Variants in DYNC1I1 observed in about 807,000 individuals in gnomAD.
The protein encoded by DYNC1I1 is dynein cytoplasmic 1 intermediate chain 1.
A neutral mutation model predicts 86.6 loss-of-function variants in DYNC1I1; 43 were observed. The ratio of observed to expected loss-of-function variants is 0.50; its 90% CI spans 0.39 to 0.64. DYNC1I1 has a LOEUF of 0.64. Ranked by LOEUF, DYNC1I1 falls within the 30% of genes least tolerant of loss-of-function variation. DYNC1I1 has a pLI of 0.00. For missense variants in DYNC1I1, 604 were observed against 788.8 expected, an observed-to-expected ratio of 0.77 and a Z score of 2.81; for synonymous variants, 262 against 283.7, an observed-to-expected ratio of 0.92 and a Z score of 0.77.
At chr7:95,813,162 T>G in intron 3 of DYNC1I1, 85 bp from the exon 4 acceptor site, 1 of 1,608,958 alleles carries the variant, frequency 6.2e-7, no homozygotes. Context: ...TTGGGCCCAT[T>G]TGTTTTGATT....
chr7:95,865,973 A>G (rs1211401615), intron 5 of DYNC1I1, among the ~76,000 whole-genome samples: 3 of 152,176 alleles, frequency 2.0e-5, no homozygotes, highest in Admixed American at 2.0e-4. Context: ...AACAGGGCAT[A>G]AGCTATGCAG....
chr7:96,101,698 A>T (rs1444151439), downstream of DYNC1I1, among the ~76,000 whole-genome samples: 1 of 152,156 alleles, frequency 6.6e-6, no homozygotes, highest in African/African-American at 2.4e-5. Context: ...TCATTCCGTC[A>T]TTCCTCCAAT....
intron 13 of DYNC1I1, among the ~76,000 whole-genome samples, chr7:96,037,109 A>G (rs374494089): frequency 6.6e-6 from 1 of 152,148 alleles, no homozygotes; most frequent in African/African-American, 2.4e-5. Flanking sequence ...GACTTTTTCC[A>G]TTCAAACTAT....
intron 14 of DYNC1I1, among the ~76,000 whole-genome samples, chr7:96,064,243 T>C (rs1331821827): frequency 9.0e-5 from 13 of 144,058 alleles, no homozygotes; most frequent in African/African-American, 3.1e-4. Flanking sequence ...TCTCTCTCTC[T>C]CTCTCCCTCT....
intron 14 of DYNC1I1, among the ~76,000 whole-genome samples, chr7:96,063,609 A>G (rs1221795942): frequency 1.3e-5 from 2 of 151,102 alleles, no homozygotes; most frequent in East Asian, 1.9e-4. Context: ...TTGTGTCCTA[A>G]TCTCCTCTTT....
chr7:96,078,658 A>G (rs1353971529), intron 15 of DYNC1I1, among the ~76,000 whole-genome samples: 1 of 152,056 alleles, frequency 6.6e-6, no homozygotes, highest in Non-Finnish European at 1.5e-5. Context: ...TTTTTGTTAT[A>G]TTCGTATTAA....
At chr7:96,034,530 T>C (rs1794888301) in intron 12 of DYNC1I1, among the ~76,000 whole-genome samples, 1 of 152,158 alleles carries the variant, frequency 6.6e-6, no homozygotes, top group South Asian at 2.1e-4. Context: ...CATCCAACAG[T>C]TGGCCTGGTC....
At chr7:95,862,228 C>A (rs974913447) in intron 5 of DYNC1I1, among the ~76,000 whole-genome samples, 2 of 151,862 alleles carry the variant, frequency 1.3e-5, no homozygotes, top group African/African-American at 2.4e-5. Flanking sequence ...AAAATATTTG[C>A]ACTTCAAAAT....
chr7:96,007,559 C>T (rs997243727), intron 10 of DYNC1I1, among the ~76,000 whole-genome samples: 1 of 152,192 alleles, frequency 6.6e-6, no homozygotes, highest in South Asian at 2.1e-4. Context: ...GTGCAAAATT[C>T]GGAGATAGCA....
At chr7:95,803,125 C>A (rs918269845) in intron 1 of DYNC1I1, among the ~76,000 whole-genome samples, 1 of 152,190 alleles carries the variant, frequency 6.6e-6, no homozygotes, top group African/African-American at 2.4e-5. Context: ...AGTCTCAGTT[C>A]TTGCTGAACC....
Position 96,028,188 on chromosome 7 carries a change from C to A in DYNC1I1, c.983C>A (p.Ser328Ter), listed in dbSNP as rs1381436803. The change falls in exon 11 of 17, where the codon TCG becomes TAG. Residue 328 changes from serine to a stop codon, truncating the protein, a stop_gained. Coordinates refer to ENST00000447467, the MANE Select transcript of DYNC1I1 (RefSeq NM_001135556.2). LOFTEE classifies it high-confidence loss of function. ...YVFHCQSSVM[S>*]VCFARFHPNL... ...TTTCCCTGACAGTCCTCTGTGATGT[C>A]GGTCTGCTTCGCCCGTTTCCATCCT... The A allele has an allele frequency of 6.2e-7, 1 of 1,613,650 alleles. No individual in the cohort carries two copies. The highest frequency in any genetic ancestry group is 1.3e-5 in the African/African-American group (1 of 74,876).
At chr7:95,784,886 A>C (rs2115674669) in intron 1 of DYNC1I1, among the ~76,000 whole-genome samples, 1 of 152,294 alleles carries the variant, frequency 6.6e-6, no homozygotes, top group African/African-American at 2.4e-5. Context: ...AATGAGACAG[A>C]ACTTTGTATT....
Position 95,944,502 on chromosome 7 carries a change from G to A in DYNC1I1, c.491-33010G>A, listed in dbSNP as rs544021117. 9.8e-5 allele frequency among the ~76,000 whole-genome samples: 15 copies of A among 152,310 alleles called. No individual in the cohort carries two copies. The South Asian group carries it at 2.9e-3, about 29-fold the overall frequency. ...GGATCTAGAACTAGAAATACCATCT[G>A]ACCCAGCCATCCCATTACTGGGTAT... On this transcript the variant is annotated intron_variant, in intron 6 of 16. Transcript: ENST00000447467.
intron 6 of DYNC1I1, among the ~76,000 whole-genome samples, chr7:95,950,208 A>AG (rs1407056387): frequency 1.3e-5 from 2 of 152,226 alleles, no homozygotes; most frequent in African/African-American, 4.8e-5. Flanking sequence ...TATTTCTGCA[A>AG]GGACTTGTAC....
chr7:95,854,480 T>C (rs919947686), intron 5 of DYNC1I1, among the ~76,000 whole-genome samples: 2 of 152,194 alleles, frequency 1.3e-5, no homozygotes, highest in Non-Finnish European at 2.9e-5. Flanking sequence ...TATTTTCTTA[T>C]ATTGCATATC....
intron 16 of DYNC1I1, among the ~76,000 whole-genome samples, chr7:96,093,704 G>A (rs1790915174): frequency 2.6e-5 from 4 of 152,010 alleles, no homozygotes; most frequent in South Asian, 2.1e-4. Flanking sequence ...AGATGAATCT[G>A]GAGGCAGAAA....
chr7:95,909,892 G>A (rs548760508), intron 6 of DYNC1I1, among the ~76,000 whole-genome samples: 60 of 152,154 alleles, frequency 3.9e-4, no homozygotes, highest in African/African-American at 1.4e-3. Context: ...ACTGAGCCTC[G>A]TTCTCCATCC....
At chr7:95,918,351 G>T (rs1424597536) in intron 6 of DYNC1I1, among the ~76,000 whole-genome samples, 2 of 152,116 alleles carry the variant, frequency 1.3e-5, no homozygotes, top group South Asian at 2.1e-4. Flanking sequence ...TGGTGTTGTT[G>T]TTCCTGTGGG....
At chr7:95,905,375 T>A (rs550795114) in intron 6 of DYNC1I1, among the ~76,000 whole-genome samples, 50 of 152,270 alleles carry the variant, frequency 3.3e-4, no homozygotes, top group Non-Finnish European at 6.2e-4. Flanking sequence ...CCTGGATAGC[T>A]CCCAGGAATA....
Sources: gnomAD v4.1 joint callset for allele counts (sites outside exome capture counted in the v4.1 genomes callset) on GRCh38, gnomAD v4.1.1 for gene constraint, MANE v1.5 for transcripts, NCBI Gene and HGNC (gene_info 2026-07-23, HGNC 2026-07-21) for gene names.